Variants in BCAS3 observed in about 807,000 individuals in gnomAD.
BCAS3 encodes the protein BCAS3 microtubule associated cell migration factor, also known as BCAS4/BCAS3 fusion.
Under a neutral mutation model 116.1 loss-of-function variants are expected in BCAS3, and 53 were observed. The observed-to-expected ratio is 0.46, with a 90% confidence interval of 0.37 to 0.57. The LOEUF (loss-of-function observed/expected upper bound fraction) is 0.57, where lower values mean the gene tolerates loss of function less well. Among genes scored for constraint, BCAS3 ranks in the 20% least tolerant of loss-of-function variants. BCAS3 has a pLI of 0.00. For synonymous variants in BCAS3, 391 were observed against 408.2 expected, an observed-to-expected ratio of 0.96 and a Z score of 0.51; for missense variants, 917 against 1,165.4, an observed-to-expected ratio of 0.79 and a Z score of 3.10.
intron 7 of BCAS3, among the ~76,000 whole-genome samples, chr17:60,860,326 T>A (rs1173090832): frequency 1.3e-5 from 2 of 152,222 alleles, no homozygotes; most frequent in Admixed American, 1.3e-4. Flanking sequence ...TCACGTACTT[T>A]GCCCATTTTT....
At chr17:60,814,292 TGTGTGTGTG>T in intron 7 of BCAS3, among the ~76,000 whole-genome samples, 1 of 125,410 alleles carries the variant, frequency 8.0e-6, no homozygotes, top group Non-Finnish European at 1.6e-5. Context: ...TGTGTGTGTG[TGTGTGTGTG>T]TGTGTGCGCG....
In BCAS3 at chr17:61,186,912, G is replaced by A. The variant is rs907126884; in HGVS notation, c.2425+102348G>A. ...TTTTTAATAGAGACAGGGTTTCACC[G>A]TGTTAGCCAGGATGGTCTCGATCTC... On this transcript the variant is annotated intron_variant, in intron 22 of 23. Transcript: ENST00000407086. The surrounding 1 kb of genome is among the most constrained non-coding windows in gnomAD (Gnocchi z 4.9). Among the ~76,000 whole-genome samples, 2 of 151,940 alleles carry A rather than the reference G, an allele frequency of 1.3e-5. No homozygotes were observed. The highest frequency in any genetic ancestry group is 6.6e-5 in the Admixed American group (1 of 15,254).
At chr17:61,040,000 C>T (rs981032900) in intron 18 of BCAS3, among the ~76,000 whole-genome samples, 11 of 151,982 alleles carry the variant, frequency 7.2e-5, no homozygotes, top group African/African-American at 2.2e-4. Flanking sequence ...CCATCTCAAA[C>T]GTGCATAATG....
In BCAS3 at chr17:61,279,746, G is replaced by C. The variant is rs1429414492; in HGVS notation, c.2426-88581G>C. On this transcript the variant is annotated intron_variant, in intron 22 of 23. Transcript: ENST00000407086. This position sits in a 1 kb window ranked among gnomAD's most constrained non-coding sequence, Gnocchi z 4.4. ...GGCTAAGCCACTGGGCCTCCATGGT[G>C]AGGTGGCACTGGTCCCTCTGCTTGA... 6.6e-6 allele frequency among the ~76,000 whole-genome samples: 1 copy of C among 151,588 alleles called. No individual in the cohort carries two copies. Among genetic ancestry groups the C allele is most frequent in the Non-Finnish European group, 1.5e-5 (1 of 67,974 alleles).
rs1470439893 is a variant in BCAS3, at chr17:61,256,087, C to T, written c.2426-112240C>T. Among the ~76,000 whole-genome samples the T allele has an allele frequency of 2.0e-5, 3 of 152,140 alleles. No individual in the cohort carries two copies. The highest frequency in any genetic ancestry group is 4.4e-5 in the Non-Finnish European group (3 of 68,028). On this transcript the variant is annotated intron_variant, in intron 22 of 23. Coordinates refer to ENST00000407086, the MANE Select transcript of BCAS3 (RefSeq NM_017679.5). The surrounding 1 kb of genome is among the most constrained non-coding windows in gnomAD (Gnocchi z 5.6). The stretch of plus-strand genomic sequence containing the variant: ...TTAATAAATGTTTTCCAGCCTCCAT[C>T]AGCCTCTACTGGTAATCAGGAGAAA...
intron 16 of BCAS3, chr17:61,027,046 G>A (rs2066296168): frequency 1.5e-6 from 1 of 667,836 alleles, no homozygotes; most frequent in African/African-American, 1.9e-5. Context: ...TTTGTAGATG[G>A]AACATGAATG....
intron 6 of BCAS3, among the ~76,000 whole-genome samples, chr17:60,800,482 T>C (rs1452586790): frequency 1.3e-5 from 2 of 152,180 alleles, no homozygotes; most frequent in African/African-American, 2.4e-5. Flanking sequence ...ATATTTGAGA[T>C]TTGAGTCATT....
In BCAS3 at chr17:61,258,208, T is replaced by C. The variant is rs1329265054; in HGVS notation, c.2426-110119T>C. ...CTTCTTTTCTCTGAATATCTTTGTCTTTAATAGTCATTGCCCTCTTATGGG... is the reference window on the plus strand; with the variant it reads ...CTTCTTTTCTCTGAATATCTTTGTCCTTAATAGTCATTGCCCTCTTATGGG... On this transcript the variant is annotated intron_variant, in intron 22 of 23. Coordinates refer to ENST00000407086, the MANE Select transcript of BCAS3 (RefSeq NM_017679.5). This position sits in a 1 kb window ranked among gnomAD's most constrained non-coding sequence, Gnocchi z 4.7. 6.6e-6 allele frequency among the ~76,000 whole-genome samples: 1 copy of C among 152,244 alleles called. No individual in the cohort carries two copies. The highest frequency in any genetic ancestry group is 1.5e-5 in the Non-Finnish European group (1 of 68,038).
chr17:60,841,320 A>C (rs926003719), intron 7 of BCAS3, among the ~76,000 whole-genome samples: 2 of 151,866 alleles, frequency 1.3e-5, no homozygotes, highest in Admixed American at 1.3e-4. Context: ...TGGGTTATCT[A>C]CTGGTATATA....
chr17:61,033,872 G>C (rs1389272896), intron 16 of BCAS3, among the ~76,000 whole-genome samples: 1 of 152,226 alleles, frequency 6.6e-6, no homozygotes, highest in South Asian at 2.1e-4. Context: ...GTGGAAAACA[G>C]AGGAGATCTA....
At chr17:60,742,426 C>CTTTTTTTTT (rs1173664552) in intron 5 of BCAS3, among the ~76,000 whole-genome samples, 15 of 103,450 alleles carry the variant, frequency 1.4e-4, no homozygotes, top group Non-Finnish European at 1.5e-4. Context: ...TCCTTGACAT[C>CTTTTTTTTT]TTTTTTTTTT....
At chr17:61,149,464 A>G (rs1391578882) in intron 22 of BCAS3, among the ~76,000 whole-genome samples, 1 of 152,208 alleles carries the variant, frequency 6.6e-6, no homozygotes, top group Admixed American at 6.5e-5. Flanking sequence ...AAAGTATATC[A>G]GTGAGGGTAA....
chr17:60,868,575 G>T lies in BCAS3; in HGVS notation c.477-1G>T. The T allele has an allele frequency of 1.3e-6, 2 of 1,523,350 alleles. No homozygotes were observed. Among genetic ancestry groups the T allele is most frequent in the Non-Finnish European group, 1.7e-6 (2 of 1,143,198 alleles). 94.4% of individuals were successfully genotyped at this position (1,523,350 alleles called of 1,614,324 possible). ...ATTTTTCTTTCTTTTTTCTTTTTTA[G>T]CACAAGCCCACCGTACTGTTGTGTG... On this transcript the variant is annotated splice_acceptor_variant, in intron 7 of 23. Transcript: ENST00000407086. LOFTEE classifies it high-confidence loss of function.
At chr17:60,753,100 T>C (rs758428890) in intron 6 of BCAS3, among the ~76,000 whole-genome samples, 1 of 152,190 alleles carries the variant, frequency 6.6e-6, no homozygotes, top group Non-Finnish European at 1.5e-5. Flanking sequence ...CATCTCAGCC[T>C]CCCAGTGCTG....
At chr17:60,916,870 A>G (rs1467499478) in intron 12 of BCAS3, among the ~76,000 whole-genome samples, 1 of 152,186 alleles carries the variant, frequency 6.6e-6, no homozygotes, top group African/African-American at 2.4e-5. Context: ...AGACTACCTA[A>G]TTTTCAATGA....
At chr17:60,922,530 C>T (rs12602993) in intron 12 of BCAS3, among the ~76,000 whole-genome samples, 19 of 152,212 alleles carry the variant, frequency 1.2e-4, no homozygotes, top group Middle Eastern at 6.8e-3. Flanking sequence ...TAAACATGTA[C>T]GACTATTTCT....
chr17:61,152,566 G>A (rs1316444690), intron 22 of BCAS3, among the ~76,000 whole-genome samples: 1 of 152,118 alleles, frequency 6.6e-6, no homozygotes, highest in Non-Finnish European at 1.5e-5. Flanking sequence ...ATAGTGCTAA[G>A]GCTTGAACAT....
In BCAS3 at chr17:61,146,735, C is replaced by G. The variant is rs138588061; in HGVS notation, c.2425+62171C>G. 4.3e-3 allele frequency among the ~76,000 whole-genome samples: 662 copies of G among 152,210 alleles called. 8 individuals carry two copies. Among genetic ancestry groups the G allele is most frequent in the African/African-American group, 0.015 (635 of 41,526 alleles). On this transcript the variant is annotated intron_variant, in intron 22 of 23. Coordinates refer to ENST00000407086, the MANE Select transcript of BCAS3 (RefSeq NM_017679.5). ...AAAAAGATGAGATTGTAAGTGATAA[C>G]ACAATCCATTCAGAATGTATGACTT...
At chr17:61,129,816 A>G (rs532771589) in intron 22 of BCAS3, among the ~76,000 whole-genome samples, 10 of 152,316 alleles carry the variant, frequency 6.6e-5, no homozygotes, top group Admixed American at 5.2e-4. Flanking sequence ...TATTCCTTCT[A>G]TTGAGCTACT....
Sources: gnomAD v4.1 joint callset for allele counts (sites outside exome capture counted in the v4.1 genomes callset) on GRCh38, gnomAD v4.1.1 for gene constraint, Gnocchi (gnomAD v3.1) non-coding constraint, MANE v1.5 for transcripts, NCBI Gene and HGNC (gene_info 2026-07-23, HGNC 2026-07-21) for gene names.